SOCS7: variants seen among roughly 807,000 people sequenced by gnomAD.
SOCS7 encodes NAP-4.
A neutral mutation model predicts 58.9 loss-of-function variants in SOCS7; 18 were observed. The ratio of observed to expected loss-of-function variants is 0.31; its 90% confidence interval spans 0.21 to 0.45. The LOEUF is 0.45. Among genes scored for constraint, SOCS7 ranks in the 20% least tolerant of loss-of-function variants. The probability of loss-of-function intolerance (pLI) is 1.00; values close to 1 mark genes in which losing one functional copy is unlikely to be tolerated. For missense variants in SOCS7, 667 were observed against 837.3 expected (o/e 0.80, Z 2.51); for synonymous variants, 388 against 364.3 (o/e 1.06, Z -0.74).
chr17:38,361,658 G>C (rs780198546), intron 1 of SOCS7, 53 bp from the exon 2 acceptor site: 1 of 1,356,884 alleles, frequency 7.4e-7, no homozygotes, highest in Non-Finnish European at 1.1e-6. Context: ...TGACTTAAAT[G>C]CATATGTGTT....
chr17:38,354,399 T>G (rs772143839), intron 1 of SOCS7, among the ~76,000 whole-genome samples: 31 of 152,356 alleles, frequency 2.0e-4, no homozygotes, highest in Non-Finnish European at 4.1e-4. Flanking sequence ...TGGGAACCAC[T>G]CATCCATAGA....
At chr17:38,372,713 A>AT (rs2037883059) in intron 6 of SOCS7, among the ~76,000 whole-genome samples, 1 of 152,242 alleles carries the variant, frequency 6.6e-6, no homozygotes, top group Non-Finnish European at 1.5e-5. Context: ...AAGTTAGAAC[A>AT]TTACAAGAAA....
At chr17:38,362,107 TCTCTAGAAGTCATACAA>T (rs2037728058) in intron 2 of SOCS7, among the ~76,000 whole-genome samples, 8 of 152,210 alleles carry the variant, frequency 5.3e-5, no homozygotes, top group Admixed American at 2.0e-4. Context: ...CATAAAAGAC[TCTCTAGAAGTCATACAA>T]TTTCTGTCTC....
chr17:38,381,251 G>A (rs530533309), intron 7 of SOCS7, among the ~76,000 whole-genome samples: 21 of 152,288 alleles, frequency 1.4e-4, no homozygotes, highest in African/African-American at 5.1e-4. Context: ...TCTCTTTGAA[G>A]GATAGGGCCA....
At chr17:38,385,381 A>G (rs905675254) in intron 7 of SOCS7, among the ~76,000 whole-genome samples, 4 of 151,144 alleles carry the variant, frequency 2.6e-5, no homozygotes, top group Admixed American at 6.6e-5. Flanking sequence ...GGCTTACCCA[A>G]TTTGGATTCG....
chr17:38,378,922 C>T (rs2037965446), intron 7 of SOCS7, among the ~76,000 whole-genome samples: 2 of 152,074 alleles, frequency 1.3e-5, no homozygotes, highest in Admixed American at 6.6e-5. Context: ...CTTTGGGAGG[C>T]TGAGACAGGC....
chr17:38,388,947 C>G (rs1197065952), intron 7 of SOCS7, among the ~76,000 whole-genome samples: 2 of 152,146 alleles, frequency 1.3e-5, no homozygotes, highest in African/African-American at 2.4e-5. Context: ...TTTGAACATT[C>G]ATGTACAGCT....
intron 2 of SOCS7, 70 bp downstream of exon 2, chr17:38,361,845 T>C (rs1420056922): frequency 1.3e-5 from 14 of 1,081,686 alleles, no homozygotes; most frequent in Non-Finnish European, 1.6e-5. Context: ...TGGGAAACAC[T>C]TACAGATGCA....
intron 6 of SOCS7, chr17:38,375,901 C>G (rs1457326979): frequency 6.6e-6 from 1 of 151,058 alleles, no homozygotes; most frequent in Non-Finnish European, 1.5e-5. Flanking sequence ...CTTACCGCAA[C>G]CTCTACCTCC....
intron 7 of SOCS7, among the ~76,000 whole-genome samples, chr17:38,390,756 G>A (rs2038163082): frequency 7.0e-6 from 1 of 143,402 alleles, no homozygotes; most frequent in Admixed American, 7.3e-5. Flanking sequence ...GAGTGCAGTG[G>A]TGCCTGGCTC....
intron 7 of SOCS7, among the ~76,000 whole-genome samples, chr17:38,381,962 A>AC (rs929365390): frequency 6.7e-6 from 1 of 149,528 alleles, no homozygotes; most frequent in Non-Finnish European, 1.5e-5. Flanking sequence ...AAAAAAAAAA[A>AC]AAAAAAAAAA....
rs1244793748 is a variant in SOCS7, at chr17:38,361,632, G to T, written c.981-79G>T. 7.5e-6 allele frequency: 8 copies of T among 1,071,818 alleles called. No homozygotes were observed. In the African/African-American group the frequency reaches 9.3e-5, roughly 12 times the overall value. 66.4% of individuals were successfully genotyped at this position (1,071,818 alleles called of 1,614,324 possible). A position where few individuals can be genotyped will look rare whatever the true frequency, so the allele number is the denominator to read the frequency against. On this transcript the variant is annotated intron_variant, in intron 1 of 9. Transcript: ENST00000612932. ...TTTGCTTTATTTCTCAGTGCATCTGGAACTGAGTGTTGTGGTGACTTAAAT... is the reference window on the plus strand; with the variant it reads ...TTTGCTTTATTTCTCAGTGCATCTGTAACTGAGTGTTGTGGTGACTTAAAT...
At chr17:38,376,445 C>A (rs1052142830) in intron 6 of SOCS7, among the ~76,000 whole-genome samples, 5 of 151,986 alleles carry the variant, frequency 3.3e-5, no homozygotes, top group Non-Finnish European at 2.9e-5. Flanking sequence ...ATCAACGTTA[C>A]AAGGAAACAA....
chr17:38,378,156 A>G (rs2037955854), intron 7 of SOCS7, among the ~76,000 whole-genome samples: 1 of 152,182 alleles, frequency 6.6e-6, no homozygotes, highest in Non-Finnish European at 1.5e-5. Flanking sequence ...TTATAAGTGA[A>G]GCAGAAAGAT....
intron 7 of SOCS7, among the ~76,000 whole-genome samples, chr17:38,386,987 G>A (rs1046483058): frequency 7.4e-5 from 11 of 148,338 alleles, no homozygotes; most frequent in African/African-American, 2.3e-4. Context: ...TCGGGCAGCT[G>A]AGGCAGGAGA....
At chr17:38,398,021 G>T (rs567707187) in intron 9 of SOCS7, among the ~76,000 whole-genome samples, 19 of 152,262 alleles carry the variant, frequency 1.2e-4, no homozygotes, top group Non-Finnish European at 2.5e-4. Context: ...TGGGAAGGAC[G>T]TGGCATGATC....
chr17:38,383,577 A>G (rs771120743), intron 7 of SOCS7, among the ~76,000 whole-genome samples: 1 of 152,084 alleles, frequency 6.6e-6, no homozygotes, highest in Non-Finnish European at 1.5e-5. Context: ...TTATTTTGAG[A>G]TGAAGTCTCA....
intron 5 of SOCS7, 68 bp downstream of exon 5, chr17:38,366,485 C>A (rs587670416): frequency 1.9e-6 from 3 of 1,559,578 alleles, no homozygotes; most frequent in Non-Finnish European, 2.6e-6. Flanking sequence ...TTCGGACACA[C>A]CTTTATTTAT....
chr17:38,381,392 G>A (rs944846157), intron 7 of SOCS7, among the ~76,000 whole-genome samples: 1 of 152,114 alleles, frequency 6.6e-6, no homozygotes, highest in Non-Finnish European at 1.5e-5. Flanking sequence ...TTTAGGTTGA[G>A]CTCTGTCAGT....
Sources: gnomAD v4.1 joint callset for allele counts (sites outside exome capture counted in the v4.1 genomes callset) on GRCh38, gnomAD v4.1.1 for gene constraint, MANE v1.5 for transcripts, NCBI Gene and HGNC (gene_info 2026-07-23, HGNC 2026-07-21) for gene names.